The following SLC38A11 variants were observed in gnomAD, a reference collection of about 807,000 sequenced individuals.
SLC38A11 encodes the protein solute carrier family 38 member 11.
SLC38A11 carries 51 observed loss-of-function variants against 49.4 expected under a neutral mutation model. The ratio of observed to expected loss-of-function variants is 1.03; its 90% CI spans 0.83 to 1.30. The LOEUF (loss-of-function observed/expected upper bound fraction) is 1.30, where lower values mean the gene tolerates loss of function less well. Ranked by LOEUF, SLC38A11 falls within the 50% of genes most tolerant of loss-of-function variation. SLC38A11 has a pLI of 0.00. For synonymous variants in SLC38A11, 203 were observed against 192.9 expected (o/e 1.05, Z -0.43); for missense variants, 574 against 556.2 (o/e 1.03, Z -0.32).
chr2:164,942,194 A>G (rs1033689595), intron 5 of SLC38A11, among the ~76,000 whole-genome samples: 3 of 152,130 alleles, frequency 2.0e-5, no homozygotes, highest in Non-Finnish European at 2.9e-5. Flanking sequence ...CATGTCTATA[A>G]TCCCAACACT....
intron 11 of SLC38A11, among the ~76,000 whole-genome samples, chr2:164,906,735 C>A (rs983228601): frequency 2.6e-5 from 4 of 152,178 alleles, no homozygotes; most frequent in Non-Finnish European, 4.4e-5. Context: ...TTCCTATGAG[C>A]TTTCCTTCCA....
In SLC38A11 at chr2:164,898,717, G is replaced by T. The variant is rs1305041648; in HGVS notation, c.1109C>A (p.Ala370Glu). ...IVLELNGVLCATPLIFIIPSA... is the reference protein window; with the variant it reads ...IVLELNGVLCETPLIFIIPSA... ...TGGAATGATAAAAATGAGGGGAGTT[G>T]CACAGAGCACACCCTGCATGTTGAA... The change falls in exon 12 of 12, where the codon GCA becomes GAA. Residue 370 changes from alanine to glutamate, a missense_variant. Coordinates refer to ENST00000685975, the MANE Select transcript of SLC38A11 (RefSeq NM_001351537.2). 6.2e-7 allele frequency: 1 copy of T among 1,612,816 alleles called. No individual in the cohort carries two copies. The highest frequency in any genetic ancestry group is 1.7e-5 in the Admixed American group (1 of 59,886).
chr2:164,935,050 T>C (rs1687263772), intron 7 of SLC38A11, among the ~76,000 whole-genome samples: 2 of 152,198 alleles, frequency 1.3e-5, no homozygotes, highest in Admixed American at 6.5e-5. Context: ...AGCATATTTT[T>C]CTTCCTCCAG....
intron 6 of SLC38A11, among the ~76,000 whole-genome samples, chr2:164,938,186 C>T (rs1559120960): frequency 6.6e-6 from 1 of 152,020 alleles, no homozygotes; most frequent in Non-Finnish European, 1.5e-5. Context: ...GTCTCATTAA[C>T]CTTGTTTTCT....
chr2:164,954,516 A>T, intron 2 of SLC38A11, 115 bp downstream of exon 2: 1 of 499,818 alleles, frequency 2.0e-6, no homozygotes, highest in Non-Finnish European at 3.5e-6. Flanking sequence ...GAAAATTACC[A>T]ATTTTCTTAT....
intron 7 of SLC38A11, among the ~76,000 whole-genome samples, chr2:164,935,960 G>C (rs978397241): frequency 6.6e-6 from 1 of 152,138 alleles, no homozygotes; most frequent in Non-Finnish European, 1.5e-5. Flanking sequence ...CCTCAACAAG[G>C]CAGGAGGATG....
At chr2:164,909,043 T>C (rs1385394941) in intron 10 of SLC38A11, among the ~76,000 whole-genome samples, 1 of 152,164 alleles carries the variant, frequency 6.6e-6, no homozygotes, top group Non-Finnish European at 1.5e-5. Context: ...CATGTATCTT[T>C]CAAGTACAGG....
At chr2:164,953,170 T>C (rs1368408906) in intron 2 of SLC38A11, 1 of 191,250 alleles carries the variant, frequency 5.2e-6, no homozygotes, top group African/African-American at 2.4e-5. Flanking sequence ...GAGAGGATAA[T>C]AAGGAGCACA....
At chr2:164,911,528 T>C (rs1039349630) in intron 10 of SLC38A11, 108 bp downstream of exon 10, 75 of 466,294 alleles carry the variant, frequency 1.6e-4, no homozygotes, top group African/African-American at 1.5e-3. Context: ...ATTATACCAT[T>C]TGTCATGCCC....
At chr2:164,942,172 G>A (rs1289542497) in intron 5 of SLC38A11, among the ~76,000 whole-genome samples, 1 of 152,066 alleles carries the variant, frequency 6.6e-6, no homozygotes, top group Non-Finnish European at 1.5e-5. Context: ...TTGGAGGCCA[G>A]GTGAGATGGC....
Position 164,897,070 on chromosome 2 carries a change from G to T in SLC38A11, c.*1367C>A, listed in dbSNP as rs1346656225. On this transcript the variant is annotated 3_prime_UTR_variant, in exon 12 of 12. Coordinates refer to ENST00000685975, the MANE Select transcript of SLC38A11 (RefSeq NM_001351537.2). ...ATACTTGATATAAGGAAGCCATCCA[G>T]ATGGCCCCAGATTTTCATGTTACTT... 6.6e-6 allele frequency: 1 copy of T among 152,100 alleles called. No individual in the cohort carries two copies. The highest frequency in any genetic ancestry group is 1.5e-5 in the Non-Finnish European group (1 of 68,016). 9.4% of individuals were successfully genotyped at this position (152,100 alleles called of 1,614,324 possible).
chr2:164,937,047 A>G (rs1027878072), intron 7 of SLC38A11, among the ~76,000 whole-genome samples: 7 of 152,112 alleles, frequency 4.6e-5, no homozygotes, highest in Non-Finnish European at 1.0e-4. Flanking sequence ...AACTACTGAA[A>G]CTTCGTTCCT....
chr2:164,942,101 C>A (rs916077130), intron 5 of SLC38A11, among the ~76,000 whole-genome samples: 1 of 151,848 alleles, frequency 6.6e-6, no homozygotes, highest in African/African-American at 2.4e-5. Flanking sequence ...CGCTACTTTT[C>A]GAATAGGAAA....
At chr2:164,937,702 G>A (rs1014153885) in intron 6 of SLC38A11, 2 of 251,276 alleles carry the variant, frequency 8.0e-6, no homozygotes, top group Admixed American at 5.3e-5. Context: ...AATTTTTAGT[G>A]GCTCCTGCAT....
chr2:164,944,619 T>C lies in SLC38A11; in HGVS notation c.380A>G (p.Asn127Ser), dbSNP rs2105509279. 1 of 1,313,106 alleles carries C rather than the reference T, an allele frequency of 7.6e-7. No homozygotes were observed. The highest frequency in any genetic ancestry group is 2.8e-5 in the East Asian group (1 of 35,336). 81.3% of individuals were successfully genotyped at this position (1,313,106 alleles called of 1,614,324 possible). Residue 127 changes from asparagine to serine, a missense_variant, in exon 5 of 12, where the codon AAT becomes AGT. Asn to Ser is a conservative substitution (Grantham distance 46). Transcript: ENST00000685975. ...GCTCAAAGTATCTCCAGCTATTATA[T>C]TGTAACTTATCATTGCTAAAAACAT... is the stretch of plus-strand genomic sequence containing the variant. Reference protein sequence around the residue: ...LYPFIAMISYNIIAGDTLSKV... With the variant: ...LYPFIAMISYSIIAGDTLSKV...
intron 7 of SLC38A11, among the ~76,000 whole-genome samples, chr2:164,924,335 G>A (rs751840417): frequency 2.0e-5 from 3 of 152,080 alleles, no homozygotes; most frequent in Non-Finnish European, 4.4e-5. Flanking sequence ...CTAAAGAATG[G>A]AAAGAAGGAG....
chr2:164,910,672 A>T (rs1217857206), intron 10 of SLC38A11, among the ~76,000 whole-genome samples: 2 of 152,098 alleles, frequency 1.3e-5, no homozygotes, highest in African/African-American at 4.8e-5. Context: ...CTGATTATTT[A>T]GTGTATTTAA....
At chr2:164,911,888 T>C (rs573206387) in intron 9 of SLC38A11, 140 bp from the exon 10 acceptor site, 146 of 502,702 alleles carry the variant, frequency 2.9e-4, no homozygotes, top group African/African-American at 2.6e-3. Context: ...ATTTTTACTA[T>C]ATATTTTTCT....
intron 11 of SLC38A11, among the ~76,000 whole-genome samples, chr2:164,902,991 T>TA (rs1684760008): frequency 6.6e-6 from 1 of 152,146 alleles, no homozygotes. Context: ...AATAAAAGAT[T>TA]AGTTGTCATA....
Sources: gnomAD v4.1 joint callset for allele counts (sites outside exome capture counted in the v4.1 genomes callset) on GRCh38, gnomAD v4.1.1 for gene constraint, MANE v1.5 for transcripts, NCBI Gene and HGNC (gene_info 2026-07-23, HGNC 2026-07-21) for gene names.